IPO7: variants seen among roughly 807,000 people sequenced by gnomAD.
IPO7 encodes importin 7.
Under a neutral mutation model 136.4 loss-of-function variants are expected in IPO7, and 13 were observed. The observed-to-expected ratio is 0.10, with a 90% CI of 0.06 to 0.15. The LOEUF (loss-of-function observed/expected upper bound fraction) is 0.15. Ranked by LOEUF, IPO7 falls within the 10% of genes least tolerant of loss-of-function variation. IPO7 has a pLI of 1.00. For missense variants in IPO7, 857 were observed against 1,240.6 expected (o/e 0.69, Z 4.65); for synonymous variants, 403 against 404.4 (o/e 1.00, Z 0.04).
chr11:9,429,074 G>C lies in IPO7; in HGVS notation c.1469G>C (p.Ser490Thr), dbSNP rs1855255740. Reference protein sequence around the residue: ...LHYFCEVKFKSDQNLQTALEL... With the variant: ...LHYFCEVKFKTDQNLQTALEL... The stretch of plus-strand genomic sequence containing the variant: ...TATTTTTGTGAAGTGAAGTTCAAAA[G>C]TGATCAGAACCTTCAAACAGCCTTA... Residue 490 changes from serine (S) to threonine (T), a missense_variant, in exon 14 of 25, where the codon AGT becomes ACT. Coordinates refer to ENST00000379719, the MANE Select transcript of IPO7 (RefSeq NM_006391.3). 6.2e-7 allele frequency: 1 copy of C among 1,613,966 alleles called. No homozygotes were observed. The highest frequency in any genetic ancestry group is 1.3e-5 in the African/African-American group (1 of 74,940).
intron 6 of IPO7, among the ~76,000 whole-genome samples, chr11:9,419,415 G>T (rs1032920490): frequency 6.6e-6 from 1 of 151,582 alleles, no homozygotes; most frequent in Admixed American, 6.6e-5. Context: ...GGGCGTGGTG[G>T]TGCAAGCCTG....
At chr11:9,428,660 T>G (rs1163253187) in intron 13 of IPO7, 31 bp downstream of exon 13, 1 of 1,175,784 alleles carries the variant, frequency 8.5e-7, no homozygotes, top group Admixed American at 1.8e-5. Flanking sequence ...ATTTATATAC[T>G]TTTGTCTTGT....
At chr11:9,389,240 G>T (rs956101236) in intron 1 of IPO7, among the ~76,000 whole-genome samples, 1 of 151,956 alleles carries the variant, frequency 6.6e-6, no homozygotes, top group Admixed American at 6.6e-5. Flanking sequence ...GTAGAGACGG[G>T]GTTTCGCCAC....
chr11:9,410,067 C>A lies in IPO7; in HGVS notation c.460C>A (p.Gln154Lys). Residue 154 changes from glutamine to lysine, a missense_variant, in exon 4 of 25, where the codon CAG becomes AAG. Gln to Lys is a moderately conservative substitution (Grantham distance 53, BLOSUM62 1). This residue lies in a region of IPO7 where 287 missense variants were observed against 307.5 expected (regional missense o/e 0.93). Transcript: ENST00000379719. The stretch of plus-strand genomic sequence containing the variant: ...GCTAGGAATTCTTCTTTGCCTTTAT[C>A]AGCTTGTGAAAAATTATGAGTAAGT... ...CWLGILLCLY[Q>K]LVKNYEYKKP... 6.3e-7 allele frequency: 1 copy of A among 1,592,898 alleles called. No individual in the cohort carries two copies. Among genetic ancestry groups the A allele is most frequent in the Admixed American group, 1.8e-5 (1 of 54,788 alleles).
At chr11:9,405,244 G>A (rs955971855) in intron 2 of IPO7, among the ~76,000 whole-genome samples, 9 of 151,562 alleles carry the variant, frequency 5.9e-5, no homozygotes, top group Admixed American at 2.0e-4. Context: ...GCGCGATCTC[G>A]GCTCACTGCA....
chr11:9,422,468 C>T (rs1308366415), intron 8 of IPO7, among the ~76,000 whole-genome samples: 1 of 151,822 alleles, frequency 6.6e-6, no homozygotes, highest in East Asian at 1.9e-4. Flanking sequence ...AGTAGATCCT[C>T]TGAAATAGTC....
chr11:9,412,833 A>G (rs922694286), intron 4 of IPO7, among the ~76,000 whole-genome samples: 1 of 151,654 alleles, frequency 6.6e-6, no homozygotes, highest in Non-Finnish European at 1.5e-5. Flanking sequence ...CTTTCTCCAA[A>G]AAAAAAAGGA....
chr11:9,401,462 G>A (rs1854794673), intron 1 of IPO7, among the ~76,000 whole-genome samples: 1 of 151,832 alleles, frequency 6.6e-6, no homozygotes, highest in Non-Finnish European at 1.5e-5. Flanking sequence ...GGAGACTAAG[G>A]CAGGAGCTCC....
chr11:9,433,177 G>T lies in IPO7; in HGVS notation c.1882-393G>T, dbSNP rs185485925. On this transcript the variant is annotated intron_variant, in intron 16 of 24. Transcript: ENST00000379719. Reference sequence around the variant, plus strand: ...TTTTTTGTATTTTTAGTAGAGACGGGGTTTCACCATGCTGGCCAGGCTGGT... The same window carrying T: ...TTTTTTGTATTTTTAGTAGAGACGGTGTTTCACCATGCTGGCCAGGCTGGT... 10 of 165,552 alleles carry T rather than the reference G, an allele frequency of 6.0e-5. No individual in the cohort carries two copies. In the East Asian group the frequency reaches 1.7e-3, roughly 29 times the overall value. The allele number at this position is 165,552 out of a possible 1,614,324, so 10.3% of individuals were successfully genotyped here.
At position 9,412,382 on chromosome 11, in the gene IPO7, T is replaced by C. The variant is rs190584689; in HGVS notation, c.480-1873T>C. Among the ~76,000 whole-genome samples the C allele has an allele frequency of 1.5e-3, 223 of 152,350 alleles. 1 individual carries two copies. Among genetic ancestry groups the C allele is most frequent in the African/African-American group, 5.2e-3 (215 of 41,578 alleles). ...GAAGAGGGATACCAATAAATACAAC[T>C]GGGATGTGCTATGGAAAACCAATTT... On this transcript the variant is annotated intron_variant, in intron 4 of 24. Coordinates refer to ENST00000379719, the MANE Select transcript of IPO7 (RefSeq NM_006391.3).
chr11:9,419,199 T>C (rs964036995), intron 6 of IPO7, among the ~76,000 whole-genome samples: 2 of 152,156 alleles, frequency 1.3e-5, no homozygotes, highest in African/African-American at 4.8e-5. Flanking sequence ...TCACTAGCGA[T>C]GTATGAGAGT....
In IPO7 at chr11:9,420,683, T is replaced by C; in HGVS notation, c.891T>C (p.Ala297=). 1 of 1,611,338 alleles carries C rather than the reference T, an allele frequency of 6.2e-7. No homozygotes were observed. The highest frequency in any genetic ancestry group is 8.5e-7 in the Non-Finnish European group (1 of 1,177,630). Residue 297 remains alanine, a synonymous_variant, in exon 8 of 25, where the codon GCT becomes GCC. Coordinates refer to ENST00000379719, the MANE Select transcript of IPO7 (RefSeq NM_006391.3). ...CTGAAGTATTTCTGAAGGCATTTGCTGTTGGTGTCCAGCAAGTAAGTCTGT... is the reference window on the plus strand; with the variant it reads ...CTGAAGTATTTCTGAAGGCATTTGCCGTTGGTGTCCAGCAAGTAAGTCTGT... ...EFAEVFLKAF[A]VGVQQVLLKV... is the part of the protein sequence containing the mutation.
Position 9,400,503 on chromosome 11 carries a change from G to T in IPO7, c.85-2787G>T, listed in dbSNP as rs569912121. 4.6e-5 allele frequency among the ~76,000 whole-genome samples: 7 copies of T among 152,036 alleles called. No individual in the cohort carries two copies. In the South Asian group the frequency reaches 1.5e-3, roughly 32 times the overall value. ...GTGGCGCGATCTCGGCTCACTGCAGGCTCCGCCCCCGGGGTTCACACCATT... is the reference window on the plus strand; with the variant it reads ...GTGGCGCGATCTCGGCTCACTGCAGTCTCCGCCCCCGGGGTTCACACCATT... On this transcript the variant is annotated intron_variant, in intron 1 of 24. Transcript: ENST00000379719.
At chr11:9,406,976 T>G (rs1385010539) in intron 2 of IPO7, among the ~76,000 whole-genome samples, 1 of 152,252 alleles carries the variant, frequency 6.6e-6, no homozygotes, top group African/African-American at 2.4e-5. Flanking sequence ...ATTAGTTCAT[T>G]CTGTCTTTGC....
Position 9,435,038 on chromosome 11 carries a change from C to T in IPO7, c.2172+7C>T. 6.6e-7 allele frequency: 1 copy of T among 1,514,814 alleles called. No individual in the cohort carries two copies. The highest frequency in any genetic ancestry group is 9.2e-7 in the Non-Finnish European group (1 of 1,092,512). 93.8% of individuals were successfully genotyped at this position (1,514,814 alleles called of 1,614,324 possible). ...ATACAGTATGTGCAAAAAGGTAGGTCATTTTTATATATCAGATTTCATGAG... is the reference window on the plus strand; with the variant it reads ...ATACAGTATGTGCAAAAAGGTAGGTTATTTTTATATATCAGATTTCATGAG... On this transcript the variant is annotated splice_region_variant and intron_variant, in intron 19 of 24. Transcript: ENST00000379719.
At chr11:9,385,754 A>G (rs1286095135) in intron 1 of IPO7, among the ~76,000 whole-genome samples, 2 of 151,856 alleles carry the variant, frequency 1.3e-5, no homozygotes, top group Non-Finnish European at 1.5e-5. Flanking sequence ...TTTTGTGGGG[A>G]CCGCTCCTTG....
intron 6 of IPO7, among the ~76,000 whole-genome samples, chr11:9,418,559 G>A (rs1017760366): frequency 6.6e-6 from 1 of 152,060 alleles, no homozygotes; most frequent in African/African-American, 2.4e-5. Context: ...TTTCAAAAAG[G>A]TTTATGAACA....
chr11:9,422,274 TAAAC>T (rs776638981), intron 8 of IPO7, among the ~76,000 whole-genome samples: 29 of 152,030 alleles, frequency 1.9e-4, no homozygotes, highest in South Asian at 8.3e-4. Flanking sequence ...AATAAATAAA[TAAAC>T]AAATAAATAA....
chr11:9,428,887 A>G (rs910576455), intron 13 of IPO7, 144 bp from the exon 14 acceptor site: 3 of 821,558 alleles, frequency 3.7e-6, no homozygotes, highest in Non-Finnish European at 6.5e-6. Context: ...ACTTGGGATC[A>G]TAGTACTGGT....
Sources: gnomAD v4.1 joint callset for allele counts (sites outside exome capture counted in the v4.1 genomes callset) on GRCh38, gnomAD v4.1.1 for gene constraint, gnomAD v4.1.1 regional missense constraint, MANE v1.5 for transcripts, NCBI Gene and HGNC (gene_info 2026-07-23, HGNC 2026-07-21) for gene names.